Variants in ANO3 observed in about 807,000 individuals in gnomAD.
ANO3 encodes the protein anoctamin-3.
Under a neutral mutation model 144.8 loss-of-function variants are expected in ANO3, and 99 were observed. That is an observed-to-expected ratio of 0.68 (90% CI 0.58 to 0.81). The LOEUF (loss-of-function observed/expected upper bound fraction) is 0.81, where lower values mean the gene tolerates loss of function less well. Among genes scored for constraint, ANO3 ranks in the 30% least tolerant of loss-of-function variants. The pLI, the probability that ANO3 is intolerant of heterozygous loss-of-function variation, is 0.00. For missense variants in ANO3, 905 were observed against 1,202.2 expected (o/e 0.75, Z 3.66); for synonymous variants, 414 against 392.6 (o/e 1.05, Z -0.64).
At chr11:26,633,237 G>A (rs1590657446) in intron 18 of ANO3, among the ~76,000 whole-genome samples, 1 of 152,140 alleles carries the variant, frequency 6.6e-6, no homozygotes, top group Admixed American at 6.5e-5. Context: ...TGCAGTACAG[G>A]CAGTCCTTAT....
upstream of ANO3, among the ~76,000 whole-genome samples, chr11:26,309,141 A>G (rs1375338210): frequency 6.6e-6 from 1 of 152,178 alleles, no homozygotes. Context: ...GAGTTGAATC[A>G]TAAGAGTAGA....
At chr11:26,546,164 CAAACA>C (rs1565094942) in intron 11 of ANO3, among the ~76,000 whole-genome samples, 2 of 151,844 alleles carry the variant, frequency 1.3e-5, no homozygotes, top group South Asian at 4.2e-4. Context: ...CTTGTTCAAA[CAAACA>C]AATGTTTTTT....
chr11:26,385,903 T>C (rs12290723), intron 1 of ANO3, among the ~76,000 whole-genome samples: 1 of 148,798 alleles, frequency 6.7e-6, no homozygotes, highest in South Asian at 2.1e-4. Flanking sequence ...GTATATATAT[T>C]TATATACATA....
intron 4 of ANO3, among the ~76,000 whole-genome samples, chr11:26,506,036 G>A (rs1232511810): frequency 2.0e-5 from 3 of 148,540 alleles, no homozygotes; most frequent in Non-Finnish European, 4.4e-5. Flanking sequence ...ATTGATAACT[G>A]GATACAGCAA....
chr11:26,205,117 G>T (rs187624054), intron 1 of ANO3, among the ~76,000 whole-genome samples: 2 of 152,166 alleles, frequency 1.3e-5, no homozygotes, highest in East Asian at 1.9e-4. Flanking sequence ...TCACTATCAC[G>T]AGAACAGCAT....
chr11:26,231,850 G>T lies in ANO3; in HGVS notation c.154+42520G>T, dbSNP rs181886328. On this transcript the variant is annotated intron_variant, in intron 1 of 27. Transcript: ENST00000672621. ...CATGCAATTATGACTATTATTTGGA[G>T]TCAAACAGTCCTTAGTTTAAAGTGT... Among the ~76,000 whole-genome samples the T allele has an allele frequency of 2.0e-5, 3 of 152,294 alleles. No individual in the cohort carries two copies. In the East Asian group the frequency reaches 5.8e-4, roughly 29 times the overall value.
intron 4 of ANO3, among the ~76,000 whole-genome samples, chr11:26,503,561 T>A (rs1412772602): frequency 6.6e-6 from 1 of 152,192 alleles, no homozygotes; most frequent in Non-Finnish European, 1.5e-5. Context: ...TTTGCTATGC[T>A]TCTCTATTGA....
chr11:26,227,550 A>C (rs1852281665), intron 1 of ANO3, among the ~76,000 whole-genome samples: 1 of 152,242 alleles, frequency 6.6e-6, no homozygotes, highest in African/African-American at 2.4e-5. Flanking sequence ...TGAAGTAAGC[A>C]GTGATTCATC....
intron 1 of ANO3, among the ~76,000 whole-genome samples, chr11:26,249,293 AG>A (rs1484007164): frequency 6.6e-6 from 1 of 152,236 alleles, no homozygotes; most frequent in Non-Finnish European, 1.5e-5. Flanking sequence ...TGAAAGCAAC[AG>A]GTTACTTAAA....
chr11:26,500,172 A>G (rs1313312572), intron 4 of ANO3, among the ~76,000 whole-genome samples: 1 of 152,040 alleles, frequency 6.6e-6, no homozygotes, highest in Non-Finnish European at 1.5e-5. Flanking sequence ...ATTTTATTGG[A>G]TAGATATATG....
At chr11:26,657,695 ATTAAT>A (rs1384785527) in intron 26 of ANO3, among the ~76,000 whole-genome samples, 3 of 152,104 alleles carry the variant, frequency 2.0e-5, no homozygotes, top group South Asian at 2.1e-4. Flanking sequence ...AATACATAGT[ATTAAT>A]TTGAGTGTTC....
intron 1 of ANO3, among the ~76,000 whole-genome samples, chr11:26,384,242 T>G (rs968260207): frequency 6.6e-6 from 1 of 152,112 alleles, no homozygotes; most frequent in Non-Finnish European, 1.5e-5. Context: ...TTATATAATT[T>G]ATATATATGT....
intron 26 of ANO3, among the ~76,000 whole-genome samples, 183 bp from the exon 27 acceptor site, chr11:26,660,075 ATACT>A (rs1464755622): frequency 6.6e-5 from 10 of 152,320 alleles, no homozygotes; most frequent in Middle Eastern, 3.4e-3. Flanking sequence ...TTTTGTCCTA[ATACT>A]TAAGGAAGAA....
intron 1 of ANO3, among the ~76,000 whole-genome samples, chr11:26,257,563 C>A (rs1375565012): frequency 6.6e-6 from 1 of 152,050 alleles, no homozygotes; most frequent in Non-Finnish European, 1.5e-5. Context: ...GTTATGGAGT[C>A]AGCATCAGCA....
intron 8 of ANO3, among the ~76,000 whole-genome samples, chr11:26,533,954 A>AC (rs35368493): frequency 6.6e-6 from 1 of 150,888 alleles, no homozygotes; most frequent in South Asian, 2.1e-4. Flanking sequence ...AGACCCTTCC[A>AC]TCCCTCTTGA....
Position 26,442,026 on chromosome 11 carries a change from A to G in ANO3, c.155A>G (p.Gln52Arg), listed in dbSNP as rs950264068. ...QSYAYSKSLS[Q>R]STSLFQSTES... is the part of the protein sequence containing the mutation. ...TACGCTTACTCAAAGAGCTTGAGCC[A>G]GTCTACTTCCCTCTTCCAGTCAACC... Residue 52 changes from glutamine to arginine, a missense_variant, in exon 2 of 27, where the codon CAG becomes CGG. By Grantham distance (43) the Gln-to-Arg change is conservative. Around this residue, in one of 4 missense-constraint regions of ANO3, gnomAD observed 174 missense variants for 171.9 expected, o/e 1.01. Transcript: ENST00000256737. 3 of 1,614,222 alleles carry G rather than the reference A, an allele frequency of 1.9e-6. No individual in the cohort carries two copies. Among genetic ancestry groups the G allele is most frequent in the Non-Finnish European group, 2.5e-6 (3 of 1,180,034 alleles).
At chr11:26,320,557 G>A (rs1274080786) in intron 1 of ANO3, among the ~76,000 whole-genome samples, 3 of 152,008 alleles carry the variant, frequency 2.0e-5, no homozygotes. Flanking sequence ...AAATTTAGAT[G>A]TATATATTGT....
chr11:26,332,183 G>A lies in ANO3; in HGVS notation c.-93G>A. 6.2e-7 allele frequency: 1 copy of A among 1,610,748 alleles called. No homozygotes were observed. The highest frequency in any genetic ancestry group is 8.5e-7 in the Non-Finnish European group (1 of 1,178,478). On this transcript the variant is annotated 5_prime_UTR_variant, in exon 1 of 27. Transcript: ENST00000256737. ...GTCGGATTGCAGTGCGCTCGCTGAG[G>A]CTCCGGACCTTGGAGCGTCTAGAGT...
At chr11:26,633,788 A>C (rs1852859928) in intron 18 of ANO3, among the ~76,000 whole-genome samples, 1 of 152,170 alleles carries the variant, frequency 6.6e-6, no homozygotes, top group Non-Finnish European at 1.5e-5. Flanking sequence ...TAGAACTAAA[A>C]AACTTGGCAA....
Sources: allele counts gnomAD v4.1 joint callset (sites outside exome capture counted in the v4.1 genomes callset), GRCh38; gene constraint gnomAD v4.1.1; regional missense constraint gnomAD v4.1.1; transcripts MANE v1.5; gene names NCBI Gene and HGNC (gene_info 2026-07-23, HGNC 2026-07-21).